The following ITGB3BP variants were observed in gnomAD, a reference collection of about 807,000 sequenced individuals.
ITGB3BP encodes the protein integrin subunit beta 3 binding protein, also known as centromere protein R.
In ITGB3BP, 27 loss-of-function variants were observed where a neutral mutation model predicts 29.1. The ratio of observed to expected loss-of-function variants is 0.93; its 90% CI spans 0.68 to 1.28. The LOEUF (loss-of-function observed/expected upper bound fraction) is 1.28. ITGB3BP is among the 50% of genes most tolerant of loss of function. The pLI is 0.00. For synonymous variants in ITGB3BP, 61 were observed against 61.4 expected, an observed-to-expected ratio of 0.99 and a Z score of 0.03; for missense variants, 192 against 200.2, an observed-to-expected ratio of 0.96 and a Z score of 0.25.
chr1:63,525,759 G>A, upstream of ITGB3BP: 1 of 1,545,974 alleles, frequency 6.5e-7, no homozygotes, highest in Non-Finnish European at 8.6e-7. Context: ...ACTTTACTTA[G>A]GTAAATTTTT....
chr1:63,504,663 C>T (rs1162691038), intron 2 of ITGB3BP, among the ~76,000 whole-genome samples: 1 of 152,084 alleles, frequency 6.6e-6, no homozygotes, highest in Non-Finnish European at 1.5e-5. Context: ...ATAGATAGCT[C>T]TTATTATTTT....
At chr1:63,513,559 T>G (rs1646246803) in intron 1 of ITGB3BP, among the ~76,000 whole-genome samples, 2 of 152,330 alleles carry the variant, frequency 1.3e-5, no homozygotes, top group South Asian at 2.1e-4. Context: ...GCACTAAATG[T>G]GTTCACTGTT....
At chr1:63,442,342 A>C (rs60715729) in intron 8 of ITGB3BP, among the ~76,000 whole-genome samples, 1 of 152,324 alleles carries the variant, frequency 6.6e-6, no homozygotes, top group African/African-American at 2.4e-5. Flanking sequence ...CCCTCCTTGT[A>C]GTTTCCCTAT....
intron 7 of ITGB3BP, among the ~76,000 whole-genome samples, chr1:63,452,464 A>C (rs962054384): frequency 2.0e-5 from 3 of 152,182 alleles, no homozygotes; most frequent in Non-Finnish European, 4.4e-5. Context: ...GATTGAAACC[A>C]CTGAAACCCA....
At chr1:63,507,564 A>G (rs1390717822) in intron 2 of ITGB3BP, among the ~76,000 whole-genome samples, 2 of 152,246 alleles carry the variant, frequency 1.3e-5, no homozygotes, top group African/African-American at 2.4e-5. Flanking sequence ...CAGATGCAGA[A>G]TTACAGTCAC....
At chr1:63,453,997 GT>G in intron 6 of ITGB3BP, 23 bp from the exon 7 acceptor site, 1 of 1,418,630 alleles carries the variant, frequency 7.0e-7, no homozygotes, top group Non-Finnish European at 9.9e-7. Flanking sequence ...AAAATCCCAT[GT>G]CAAGAATTAA....
At chr1:63,489,667 A>G (rs1645604196) in intron 3 of ITGB3BP, among the ~76,000 whole-genome samples, 1 of 152,070 alleles carries the variant, frequency 6.6e-6, no homozygotes. Context: ...AAGATATACT[A>G]AATGTGGGTA....
chr1:63,524,693 C>T (rs1004613138), upstream of ITGB3BP, among the ~76,000 whole-genome samples: 10 of 152,132 alleles, frequency 6.6e-5, no homozygotes, highest in Non-Finnish European at 1.5e-4. Context: ...AACCATTGTT[C>T]AGTACTATAT....
chr1:63,467,939 G>T (rs1253933221), intron 4 of ITGB3BP, among the ~76,000 whole-genome samples: 1 of 152,126 alleles, frequency 6.6e-6, no homozygotes, highest in Non-Finnish European at 1.5e-5. Flanking sequence ...ACAAAAAGGG[G>T]GCACTTATTG....
chr1:63,502,761 G>A (rs1244946642), intron 2 of ITGB3BP, among the ~76,000 whole-genome samples: 5 of 149,000 alleles, frequency 3.4e-5, no homozygotes, highest in South Asian at 2.1e-4. Flanking sequence ...GAGAACACGC[G>A]GTGTTTGGTT....
In ITGB3BP at chr1:63,461,253, CAAAAAA is replaced by C. The variant is rs35374545; in HGVS notation, c.255-6291_255-6286del. ...TGGGCGACAGAGTGAGACTCCATCT[CAAAAAA>C]AAAAAAAAAAAAAAAAAAAATCTAC... is the stretch of plus-strand genomic sequence containing the variant. On this transcript the variant is annotated intron_variant, in intron 4 of 8. Transcript: ENST00000271002. Among the ~76,000 whole-genome samples, 5 of 56,832 alleles carry C rather than the reference CAAAAAA, an allele frequency of 8.8e-5. No homozygotes were observed. In the East Asian group the frequency reaches 3.4e-3, roughly 39 times the overall value. The allele number at this position is 56,832 out of a possible 152,430, so 37.3% of individuals were successfully genotyped here. A position where few individuals can be genotyped will look rare whatever the true frequency, so the allele number is the denominator to read the frequency against.
chr1:63,485,635 T>C (rs1390139280), intron 3 of ITGB3BP, among the ~76,000 whole-genome samples: 1 of 152,096 alleles, frequency 6.6e-6, no homozygotes, highest in Non-Finnish European at 1.5e-5. Context: ...GAGAAGTAAC[T>C]TATTTTGTAG....
At chr1:63,513,575 C>G (rs893048606) in intron 1 of ITGB3BP, among the ~76,000 whole-genome samples, 3 of 152,168 alleles carry the variant, frequency 2.0e-5, no homozygotes, top group Admixed American at 6.6e-5. Context: ...CTGTTACTTA[C>G]GTCATCGCTT....
At chr1:63,509,005 A>G (rs774702074) in intron 1 of ITGB3BP, among the ~76,000 whole-genome samples, 1 of 152,212 alleles carries the variant, frequency 6.6e-6, no homozygotes, top group Admixed American at 6.5e-5. Flanking sequence ...TAGGTGTTAA[A>G]GGTATGAGCA....
At chr1:63,441,266 G>A (rs1010858461) in intron 8 of ITGB3BP, among the ~76,000 whole-genome samples, 163 bp from the exon 9 acceptor site, 1 of 152,132 alleles carries the variant, frequency 6.6e-6, no homozygotes, top group Non-Finnish European at 1.5e-5. Flanking sequence ...TTGAGACGGA[G>A]TCTCACTCTC....
chr1:63,519,784 T>C (rs1646409646), intron 1 of ITGB3BP, among the ~76,000 whole-genome samples: 2 of 152,160 alleles, frequency 1.3e-5, no homozygotes, highest in South Asian at 4.1e-4. Flanking sequence ...TTACAGCATA[T>C]AGGCACAATA....
At chr1:63,528,868 G>C (rs1026790744) in intron 2 of ITGB3BP, among the ~76,000 whole-genome samples, 4 of 151,950 alleles carry the variant, frequency 2.6e-5, no homozygotes, top group Admixed American at 2.0e-4. Context: ...TTGATTCTTT[G>C]AACATTGTTT....
intron 3 of ITGB3BP, among the ~76,000 whole-genome samples, chr1:63,488,459 G>A (rs1645575451): frequency 6.6e-6 from 1 of 151,964 alleles, no homozygotes. Context: ...TTTATATTAT[G>A]TTTTGTATAA....
chr1:63,450,508 T>C (rs575363297), intron 7 of ITGB3BP, among the ~76,000 whole-genome samples: 1 of 152,070 alleles, frequency 6.6e-6, no homozygotes, highest in South Asian at 2.1e-4. Context: ...TAACAAGTTG[T>C]TTTAAGTAGA....
Sources: gnomAD v4.1 joint callset for allele counts (sites outside exome capture counted in the v4.1 genomes callset) on GRCh38, gnomAD v4.1.1 for gene constraint, MANE v1.5 for transcripts, NCBI Gene and HGNC (gene_info 2026-07-23, HGNC 2026-07-21) for gene names.